The following CCNY variants were observed in gnomAD, a reference collection of about 807,000 sequenced individuals.
CCNY encodes cyclin Y.
In CCNY, 19 loss-of-function variants were observed where a neutral mutation model predicts 42.8. The ratio of observed to expected loss-of-function variants is 0.44; its 90% confidence interval spans 0.31 to 0.65. CCNY has a LOEUF of 0.65. Among genes scored for constraint, CCNY ranks in the 30% least tolerant of loss-of-function variants. The pLI is 0.07. For missense variants in CCNY, 370 were observed against 437.3 expected (o/e 0.85, Z 1.37); for synonymous variants, 165 against 162.7 (o/e 1.01, Z -0.11).
chr10:35,336,964 C>G lies in CCNY; in HGVS notation c.-90C>G. On this transcript the variant is annotated 5_prime_UTR_variant, in exon 1 of 10. Transcript: ENST00000374704. Reference sequence around the variant, plus strand: ...GCGAGCGGGCGGGCCTCCCCACACGCCCCCGCCGCCCGCGCCCCGCGTCCA... The same window carrying G: ...GCGAGCGGGCGGGCCTCCCCACACGGCCCCGCCGCCCGCGCCCCGCGTCCA... 9.2e-7 allele frequency: 1 copy of G among 1,088,522 alleles called. No individual in the cohort carries two copies. Among genetic ancestry groups the G allele is most frequent in the Non-Finnish European group, 1.2e-6 (1 of 856,954 alleles). 67.4% of individuals were successfully genotyped at this position (1,088,522 alleles called of 1,614,324 possible). A position where few individuals can be genotyped will look rare whatever the true frequency, so the allele number is the denominator to read the frequency against.
chr10:35,374,128 T>C (rs1010899326), intron 1 of CCNY, among the ~76,000 whole-genome samples: 38 of 152,240 alleles, frequency 2.5e-4, no homozygotes, highest in Non-Finnish European at 2.9e-5. Flanking sequence ...CACAGAACTC[T>C]GGACATATTG....
At chr10:35,430,226 A>G (rs1227058707) in intron 1 of CCNY, among the ~76,000 whole-genome samples, 1 of 147,780 alleles carries the variant, frequency 6.8e-6, no homozygotes, top group African/African-American at 2.5e-5. Context: ...AGTCCCAGCT[A>G]CTTGGGAGGC....
chr10:35,542,995 A>G (rs1290597198), intron 7 of CCNY, among the ~76,000 whole-genome samples: 1 of 152,232 alleles, frequency 6.6e-6, no homozygotes, highest in Non-Finnish European at 1.5e-5. Flanking sequence ...AATTATATTC[A>G]TCTTAGCGCA....
intron 1 of CCNY, among the ~76,000 whole-genome samples, chr10:35,462,591 C>T (rs1482674775): frequency 1.3e-5 from 2 of 152,246 alleles, no homozygotes; most frequent in African/African-American, 4.8e-5. Context: ...AAGGACCTCT[C>T]TGCCAGGACC....
intron 1 of CCNY, among the ~76,000 whole-genome samples, chr10:35,360,184 CTTAATG>C (rs1245017177): frequency 2.6e-5 from 4 of 152,220 alleles, no homozygotes; most frequent in South Asian, 2.1e-4. Flanking sequence ...TGTATTGTTA[CTTAATG>C]TTAATAGCTG....
chr10:35,439,764 T>C (rs1222111652), intron 1 of CCNY, among the ~76,000 whole-genome samples: 1 of 152,080 alleles, frequency 6.6e-6, no homozygotes, highest in African/African-American at 2.4e-5. Context: ...TTAAACCTTC[T>C]GTTTTAGTTG....
chr10:35,282,936 C>T (rs1835314524), intron 3 of CCNY, among the ~76,000 whole-genome samples: 2 of 152,056 alleles, frequency 1.3e-5, no homozygotes, highest in Admixed American at 1.3e-4. Flanking sequence ...AGAGTTCCAG[C>T]TTGTAATTAC....
intron 1 of CCNY, among the ~76,000 whole-genome samples, chr10:35,358,122 G>C (rs988910253): frequency 6.6e-6 from 1 of 151,128 alleles, no homozygotes; most frequent in South Asian, 2.1e-4. Context: ...TTTGCCCCCC[G>C]CAAGAAGTAT....
chr10:35,252,291 CGCGGTGGCTCAGG>C (rs1194068996), intron 3 of CCNY, among the ~76,000 whole-genome samples: 1 of 151,996 alleles, frequency 6.6e-6, no homozygotes, highest in Non-Finnish European at 1.5e-5. Context: ...CCTGGCCGGG[CGCGGTGGCTCAGG>C]CCTGTAATCC....
chr10:35,388,783 A>T (rs775042006), intron 1 of CCNY, among the ~76,000 whole-genome samples: 3 of 152,148 alleles, frequency 2.0e-5, no homozygotes, highest in Non-Finnish European at 4.4e-5. Context: ...GGCTAAAATC[A>T]AAGGGCTGGC....
At chr10:35,432,569 C>G (rs768664014) in intron 1 of CCNY, among the ~76,000 whole-genome samples, 2 of 152,170 alleles carry the variant, frequency 1.3e-5, no homozygotes, top group East Asian at 3.8e-4. Context: ...TATTTAAGTA[C>G]TTCTTCCTAA....
At chr10:35,306,084 G>A (rs1025720744) in intron 3 of CCNY, among the ~76,000 whole-genome samples, 1 of 152,078 alleles carries the variant, frequency 6.6e-6, no homozygotes. Flanking sequence ...GCCCAGCCTG[G>A]AGTGCAGTGG....
chr10:35,283,217 A>G (rs1835316867), intron 3 of CCNY, among the ~76,000 whole-genome samples: 1 of 152,192 alleles, frequency 6.6e-6, no homozygotes, highest in Non-Finnish European at 1.5e-5. Context: ...CCTCTACTTA[A>G]GTGAATCGAG....
intron 2 of CCNY, among the ~76,000 whole-genome samples, chr10:35,484,196 A>AT (rs1839736575): frequency 6.6e-6 from 1 of 152,208 alleles, no homozygotes. Flanking sequence ...TGACCAGGAT[A>AT]TTACTTTAGG....
intron 9 of CCNY, among the ~76,000 whole-genome samples, chr10:35,568,339 T>G (rs527468409): frequency 1.3e-5 from 2 of 152,268 alleles, no homozygotes; most frequent in South Asian, 2.1e-4. Flanking sequence ...GGCTGCTCTT[T>G]CTCTTCTCCA....
Position 35,407,372 on chromosome 10 carries a change from A to G in CCNY, c.154+70165A>G, listed in dbSNP as rs192177403. 1.1e-4 allele frequency among the ~76,000 whole-genome samples: 16 copies of G among 152,218 alleles called. No individual in the cohort carries two copies. In the East Asian group the frequency reaches 3.1e-3, roughly 29 times the overall value. ...GGTCCCTAGAAAAGGAAGATTCAAA[A>G]GACTCAGAGACGCTTGGGGTTAGGA... On this transcript the variant is annotated intron_variant, in intron 1 of 9. Transcript: ENST00000374704.
intron 1 of CCNY, among the ~76,000 whole-genome samples, chr10:35,475,101 A>T (rs1213619803): frequency 2.0e-5 from 3 of 152,260 alleles, no homozygotes; most frequent in Non-Finnish European, 4.4e-5. Context: ...AAGAATAAAA[A>T]GAAAGGAGCA....
rs1446781472 is a variant in CCNY at position 35,337,183 on chromosome 10, A to C, written c.130A>C (p.Ile44Leu). ...GGACACGGGCTGCAACCTGCAGCAC[A>C]TCAGCGACCGGGAGAACATAGACGG... Reference protein sequence around the residue: ...REDTGCNLQHISDRENIDDLN... With the variant: ...REDTGCNLQHLSDRENIDDLN... Residue 44 changes from isoleucine (I) to leucine (L), a missense_variant, in exon 1 of 10, where the codon ATC becomes CTC. Physicochemically the swap from Ile to Leu is conservative, Grantham distance 5 (BLOSUM62 2). This residue lies in a region of CCNY where 136 missense variants were observed against 124.2 expected (regional missense o/e 1.09). Coordinates refer to ENST00000374704, the MANE Select transcript of CCNY (RefSeq NM_145012.6). 1.3e-6 allele frequency: 2 copies of C among 1,566,350 alleles called. No individual in the cohort carries two copies. Among genetic ancestry groups the C allele is most frequent in the Non-Finnish European group, 1.7e-6 (2 of 1,157,926 alleles).
intron 1 of CCNY, among the ~76,000 whole-genome samples, chr10:35,381,823 CTGTT>C (rs1238228035): frequency 6.6e-6 from 1 of 152,168 alleles, no homozygotes; most frequent in Non-Finnish European, 1.5e-5. Context: ...AATTGTCACT[CTGTT>C]TGATCACTTG....
Sources: gnomAD v4.1 joint callset for allele counts (sites outside exome capture counted in the v4.1 genomes callset) on GRCh38, gnomAD v4.1.1 for gene constraint, gnomAD v4.1.1 regional missense constraint, MANE v1.5 for transcripts, NCBI Gene and HGNC (gene_info 2026-07-23, HGNC 2026-07-21) for gene names.